Variants in KRT78 observed in about 807,000 individuals in gnomAD.
The protein encoded by KRT78 is keratin 78.
In KRT78, 55 loss-of-function variants were observed where a neutral mutation model predicts 51.4. The observed-to-expected ratio is 1.07, with a 90% CI of 0.86 to 1.34. The LOEUF (loss-of-function observed/expected upper bound fraction) is 1.34. Among genes scored for constraint, KRT78 ranks in the 40% most tolerant of loss-of-function variants. The probability of loss-of-function intolerance (pLI) is 0.00; values close to 1 mark genes in which losing one functional copy is unlikely to be tolerated. For synonymous variants in KRT78, 291 were observed against 264.3 expected (o/e 1.10, Z -0.98); for missense variants, 652 against 649.4 (o/e 1.00, Z -0.04).
chr12:52,841,436 G>A (rs531737728), intron 6 of KRT78, among the ~76,000 whole-genome samples: 7 of 150,564 alleles, frequency 4.6e-5, no homozygotes, highest in African/African-American at 9.8e-5. Context: ...GCAGTGAGCC[G>A]AGATCGCGCC....
intron 6 of KRT78, 74 bp from the exon 7 acceptor site, chr12:52,840,058 T>C: frequency 9.3e-7 from 1 of 1,073,706 alleles, no homozygotes; most frequent in Non-Finnish European, 1.4e-6. Flanking sequence ...CCACTGTGGA[T>C]ATCACTTGAA....
Position 52,839,134 on chromosome 12 carries a change from C to T in KRT78, c.1542G>A (p.Leu514=). 1.9e-6 allele frequency: 3 copies of T among 1,613,250 alleles called. No individual in the cohort carries two copies. Among genetic ancestry groups the T allele is most frequent in the Non-Finnish European group, 2.5e-6 (3 of 1,179,830 alleles). ...TILKKTVESS[L]KTSITY ...TCGCTCAGTAGGTGATGGATGTCTT[C>T]AGACTCGACTCAACTGTCTTCTTCA... The change falls in exon 9 of 9, where the codon CTG becomes CTA. Residue 514 remains leucine (L), a synonymous_variant. Coordinates refer to ENST00000304620, the MANE Select transcript of KRT78 (RefSeq NM_173352.4).
In KRT78 at chr12:52,839,760, T is replaced by C. The variant is rs1940438003; in HGVS notation, c.1268+4A>G. ...ATTCCCAGGTCCCTCCAAGCCTCCC[T>C]CACCTGCACTCCTCGCCCTCCAGCA... On this transcript the variant is annotated splice_donor_region_variant and intron_variant, in intron 7 of 8. Coordinates refer to ENST00000304620, the MANE Select transcript of KRT78 (RefSeq NM_173352.4). 1.9e-6 allele frequency: 3 copies of C among 1,613,366 alleles called. No individual in the cohort carries two copies. The East Asian group carries it at 6.7e-5, about 36-fold the overall frequency.
chr12:52,841,206 G>A lies in KRT78; in HGVS notation c.1048-1222C>T, dbSNP rs566332774. ...GGACTTGAAAAATATAATCTCTACC[G>A]GGCGCGGTGGCTCACGCCTGTAATT... On this transcript the variant is annotated intron_variant, in intron 6 of 8. Transcript: ENST00000304620. Among the ~76,000 whole-genome samples the A allele has an allele frequency of 9.2e-5, 14 of 152,180 alleles. No homozygotes were observed. The East Asian group carries it at 2.3e-3, about 25-fold the overall frequency.
At chr12:52,839,730 C>T (rs1940436643) in intron 7 of KRT78, 34 bp downstream of exon 7, 1 of 1,591,696 alleles carries the variant, frequency 6.3e-7, no homozygotes, top group Non-Finnish European at 8.6e-7. Context: ...CCTCCCCAAA[C>T]TCATATTCCC....
At position 52,838,265 on chromosome 12, in the gene KRT78, C is replaced by A. The variant is rs1940392364; in HGVS notation, c.*848G>T. On this transcript the variant is annotated 3_prime_UTR_variant, in exon 9 of 9. Transcript: ENST00000304620. ...GGGTGTGTAGAAAAGGTGATCCTTC[C>A]AGCCCCTCCTGGCACCCCACCTGAT... 6.6e-6 allele frequency: 1 copy of A among 152,164 alleles called. No homozygotes were observed. The highest frequency in any genetic ancestry group is 6.6e-5 in the Admixed American group (1 of 15,264). The allele number at this position is 152,164 out of a possible 1,614,324, so 9.4% of individuals were successfully genotyped here.
rs200148523 is a variant in KRT78 at position 52,844,203 on chromosome 12, C to A, written c.937G>T (p.Val313Leu). Residue 313 changes from valine (V) to leucine (L), a missense_variant, in exon 6 of 9, where the codon GTG becomes TTG. Val to Leu is a conservative substitution (Grantham distance 32, BLOSUM62 1). Transcript: ENST00000304620. ...LYQTKYQELQ[V>L]SAQLHGDRMQ... is the part of the protein sequence containing the mutation. ...CTGTCCCCATGAAGCTGGGCAGACACCTGAAGTTCCTGGTACTGAGAGGGG... is the reference window on the plus strand; with the variant it reads ...CTGTCCCCATGAAGCTGGGCAGACAACTGAAGTTCCTGGTACTGAGAGGGG... 1.9e-6 allele frequency: 3 copies of A among 1,602,298 alleles called. No individual in the cohort carries two copies. The highest frequency in any genetic ancestry group is 1.7e-6 in the Non-Finnish European group (2 of 1,177,056).
Position 52,848,005 on chromosome 12 carries a change from A to C in KRT78, c.501T>G (p.Asp167Glu), listed in dbSNP as rs1565701789. Reference protein sequence around the residue: ...GLEPVFEACLDQLRKQLEQLQ... With the variant: ...GLEPVFEACLEQLRKQLEQLQ... Reference sequence around the variant, plus strand: ...GCTGCTCCAGCTGCTTCCTGAGCTGATCCAGGCAGGCCTCAAAGACAGGCT... The same window carrying C: ...GCTGCTCCAGCTGCTTCCTGAGCTGCTCCAGGCAGGCCTCAAAGACAGGCT... The change falls in exon 2 of 9, where the codon GAT becomes GAG. Residue 167 changes from aspartate to glutamate, a missense_variant. Physicochemically the swap from Asp to Glu is conservative, Grantham distance 45. Coordinates refer to ENST00000304620, the MANE Select transcript of KRT78 (RefSeq NM_173352.4). 3.1e-6 allele frequency: 5 copies of C among 1,614,154 alleles called. No individual in the cohort carries two copies. Among genetic ancestry groups the C allele is most frequent in the Admixed American group, 3.3e-5 (2 of 60,032 alleles).
chr12:52,847,956 C>G lies in KRT78; in HGVS notation c.550G>C (p.Asp184His). Residue 184 changes from aspartate (D) to histidine (H), a missense_variant, in exon 2 of 9, where the codon GAT becomes CAT. Transcript: ENST00000304620. ...TCCCGGCAGGCCTTCAACTCAGCAT[C>G]CAGAGCCCCTCGTTCTCCCTGGAGC... ...EQLQGERGAL[D>H]AELKACRDQE... 1 of 1,614,236 alleles carries G rather than the reference C, an allele frequency of 6.2e-7. No individual in the cohort carries two copies. Among genetic ancestry groups the G allele is most frequent in the African/African-American group, 1.3e-5 (1 of 75,058 alleles).
At position 52,839,826 on chromosome 12, in the gene KRT78, C is replaced by T. The variant is rs149571950; in HGVS notation, c.1206G>A (p.Thr402=). 3.2e-4 allele frequency: 519 copies of T among 1,614,052 alleles called. 3 individuals carry two copies. In the African/African-American group the frequency reaches 5.8e-3, roughly 18 times the overall value. ...LLCEYQELTS[T]KLSLDVEIAT... ...CAATCTCCACATCCAGGGAAAGCTT[C>T]GTGCTCGTCAGCTCCTGGTACTCGC... The change falls in exon 7 of 9, where the codon ACG becomes ACA. Residue 402 remains threonine, a synonymous_variant. Transcript: ENST00000304620.
rs1474559394 is a variant in KRT78 at position 52,838,383 on chromosome 12, G to A, written c.*730C>T. 1 of 152,430 alleles carries A rather than the reference G, an allele frequency of 6.6e-6. No homozygotes were observed. Among genetic ancestry groups the A allele is most frequent in the Non-Finnish European group, 1.5e-5 (1 of 68,260 alleles). 9.4% of individuals were successfully genotyped at this position (152,430 alleles called of 1,614,324 possible). A position where few individuals can be genotyped will look rare whatever the true frequency, so the allele number is the denominator to read the frequency against. ...GTTCACACTTGCCCAAGGATAAGAT[G>A]AGAGCCAACAGATAAGGGGGTAGGG... On this transcript the variant is annotated 3_prime_UTR_variant, in exon 9 of 9. Transcript: ENST00000304620.
Position 52,839,334 on chromosome 12 carries a change from C to T in KRT78, c.1342G>A (p.Gly448Ser), listed in dbSNP as rs985939012. The T allele has an allele frequency of 4.3e-6, 7 of 1,613,946 alleles. No individual in the cohort carries two copies. In the African/African-American group the frequency reaches 6.7e-5, roughly 15 times the overall value. ...CCACAAGTGCTCCCCAAGCCTCCAC[C>T]AACTCCTCCAGACATGACAGCGCTG... ...GGSAVMSGGVGGGLGSTCGLG... is the reference protein window; with the variant it reads ...GGSAVMSGGVSGGLGSTCGLG... The change falls in exon 9 of 9, where the codon GGT (glycine) becomes AGT (serine). Residue 448 changes from glycine (G) to serine (S), a missense_variant. Transcript: ENST00000304620.
rs974012759 is a variant in KRT78, at chr12:52,837,998, C to T, written c.*1115G>A. ...ACTAGGAAACAGCAGAGCTGGGATT[C>T]AAGCCACATCCTCACCGGCTCTGGT... On this transcript the variant is annotated 3_prime_UTR_variant, in exon 9 of 9. Coordinates refer to ENST00000304620, the MANE Select transcript of KRT78 (RefSeq NM_173352.4). The T allele has an allele frequency of 3.3e-5, 5 of 152,190 alleles. No individual in the cohort carries two copies. The highest frequency in any genetic ancestry group is 4.8e-5 in the African/African-American group (2 of 41,444). 9.4% of individuals were successfully genotyped at this position (152,190 alleles called of 1,614,324 possible).
chr12:52,842,967 A>AGAGAG (rs1565698758), intron 6 of KRT78, among the ~76,000 whole-genome samples: 1 of 53,758 alleles, frequency 1.9e-5, no homozygotes, highest in African/African-American at 1.1e-4. Context: ...GAGAGGAAGG[A>AGAGAG]AGGAAGGAAG....
At chr12:52,839,552 C>G (rs973101047) in intron 7 of KRT78, 65 bp from the exon 8 acceptor site, 8 of 1,472,252 alleles carry the variant, frequency 5.4e-6, no homozygotes, top group African/African-American at 1.4e-5. Context: ...TCCCCACGAG[C>G]TTTTAAGCCC....
chr12:52,839,462 C>T lies in KRT78; in HGVS notation c.1294G>A (p.Val432Ile). The stretch of plus-strand genomic sequence containing the variant: ...GTCCCCTGATACTCACAGATAGTGA[C>T]CTGGCTGGTGCACTCCCCAGACATC... ...CRMSGECTSQVTISSVGGSAV... is the reference protein window; with the variant it reads ...CRMSGECTSQITISSVGGSAV... The change falls in exon 8 of 9, where the codon GTC (valine) becomes ATC (isoleucine). Residue 432 changes from valine (V) to isoleucine (I), a missense_variant. Physicochemically the swap from Val to Ile is conservative, Grantham distance 29. Coordinates refer to ENST00000304620, the MANE Select transcript of KRT78 (RefSeq NM_173352.4). 3 of 1,606,424 alleles carry T rather than the reference C, an allele frequency of 1.9e-6. No individual in the cohort carries two copies. The highest frequency in any genetic ancestry group is 2.5e-6 in the Non-Finnish European group (3 of 1,176,544).
In KRT78 at chr12:52,848,125, C is replaced by T. The variant is rs1272487160; in HGVS notation, c.385-4G>A. The T allele has an allele frequency of 6.2e-7, 1 of 1,613,594 alleles. No individual in the cohort carries two copies. The highest frequency in any genetic ancestry group is 8.5e-7 in the Non-Finnish European group (1 of 1,179,738). The stretch of plus-strand genomic sequence containing the variant: ...TCTGCTGCTCCAGGAACCGCACCTG[C>T]AGCAAAAGCAGAGGATCCCTGAGGC... On this transcript the variant is annotated splice_region_variant and splice_polypyrimidine_tract_variant and intron_variant, in intron 1 of 8. Transcript: ENST00000304620.
intron 4 of KRT78, 22 bp from the exon 5 acceptor site, chr12:52,844,745 T>C (rs1334812073): frequency 3.1e-6 from 5 of 1,592,312 alleles, no homozygotes; most frequent in Admixed American, 1.7e-5. Flanking sequence ...ACAGACTCAG[T>C]GTCCACTCAC....
rs147181200 is a variant in KRT78, at chr12:52,839,637, G to A, written c.1268+127C>T. ...ACTTAAAATCCCTCTCTGCAGCGTC[G>A]GTTGCCCTTAGCAACTCACAATGTC... On this transcript the variant is annotated intron_variant, in intron 7 of 8. Coordinates refer to ENST00000304620, the MANE Select transcript of KRT78 (RefSeq NM_173352.4). The A allele has an allele frequency of 5.2e-5, 66 of 1,280,230 alleles. 1 individual carries two copies. In the East Asian group the frequency reaches 1.0e-3, roughly 20 times the overall value. The allele number at this position is 1,280,230 out of a possible 1,614,324, so 79.3% of individuals were successfully genotyped here.
Sources: allele counts gnomAD v4.1 joint callset (sites outside exome capture counted in the v4.1 genomes callset), GRCh38; gene constraint gnomAD v4.1.1; transcripts MANE v1.5; gene names NCBI Gene and HGNC (gene_info 2026-07-23, HGNC 2026-07-21).